The following ALG6 variants were observed in gnomAD, a reference collection of about 807,000 sequenced individuals.
ALG6 encodes the protein dolichyl pyrophosphate Man9GlcNAc2 alpha-1,3-glucosyltransferase.
A neutral mutation model predicts 66.6 loss-of-function variants in ALG6; 46 were observed. That is an observed-to-expected ratio of 0.69 (90% CI 0.55 to 0.88). The LOEUF (loss-of-function observed/expected upper bound fraction) is 0.88, where lower values mean the gene tolerates loss of function less well. Ranked by LOEUF, ALG6 falls within the 40% of genes least tolerant of loss-of-function variation. ALG6 has a pLI of 0.00. For missense variants in ALG6, 505 were observed against 586.8 expected, an observed-to-expected ratio of 0.86 and a Z score of 1.44; for synonymous variants, 185 against 203.7, an observed-to-expected ratio of 0.91 and a Z score of 0.78.
In ALG6 at chr1:63,407,112, C is replaced by T. The variant is rs1368642972; in HGVS notation, c.480C>T (p.Asp160=). The change falls in exon 7 of 15, where the codon GAC becomes GAT. Residue 160 remains aspartate, a synonymous_variant. Coordinates refer to ENST00000263440, the MANE Select transcript of ALG6 (RefSeq NM_013339.4). ...ILLYPGLILI[D]YGHFQYNSVS... Reference sequence around the variant, plus strand: ...TGTATCCAGGCCTTATTCTTATAGACTATGGACATTTTCAGTATCCTTTAC... The same window carrying T: ...TGTATCCAGGCCTTATTCTTATAGATTATGGACATTTTCAGTATCCTTTAC... 58 of 1,606,930 alleles carry T rather than the reference C, an allele frequency of 3.6e-5. 1 individual carries two copies. Among genetic ancestry groups the T allele is most frequent in the Non-Finnish European group, 4.9e-5 (58 of 1,174,200 alleles).
chr1:63,398,711 G>C (rs990720003), intron 3 of ALG6, among the ~76,000 whole-genome samples: 1 of 151,976 alleles, frequency 6.6e-6, no homozygotes. Flanking sequence ...TCCTGACCTC[G>C]TGATCCGCCC....
intron 11 of ALG6, among the ~76,000 whole-genome samples, chr1:63,418,902 G>C (rs1644558512): frequency 6.6e-6 from 1 of 152,160 alleles, no homozygotes; most frequent in South Asian, 2.1e-4. Context: ...TCTCAAAATA[G>C]ATAATTTTTT....
At chr1:63,371,250 G>A (rs950952999) in intron 2 of ALG6, 191 bp downstream of exon 2, 25 of 575,436 alleles carry the variant, frequency 4.3e-5, no homozygotes, top group Middle Eastern at 4.6e-4. Flanking sequence ...AGAAGCATGC[G>A]CTTTGTGATG....
intron 2 of ALG6, among the ~76,000 whole-genome samples, chr1:63,382,714 C>T (rs1328658466): frequency 1.4e-4 from 19 of 131,112 alleles, no homozygotes; most frequent in African/African-American, 2.0e-4. Context: ...CTGGCTCTGT[C>T]GCCCAGGCTG....
Position 63,396,580 on chromosome 1 carries a change from T to C in ALG6, c.150T>C (p.Asn50=), listed in dbSNP as rs752563803. Residue 50 remains asparagine, a synonymous_variant, in exon 3 of 15, where the codon AAT becomes AAC. Transcript: ENST00000263440. The part of the protein sequence containing the change: ...AQRHWQEITF[N]LPVKQWYFNS... Reference sequence around the variant, plus strand: ...GACACTGGCAAGAAATAACTTTTAATTTACCGGTCAAACAATGGTATGATA... The same window carrying C: ...GACACTGGCAAGAAATAACTTTTAACTTACCGGTCAAACAATGGTATGATA... 3.1e-6 allele frequency: 5 copies of C among 1,613,842 alleles called. No homozygotes were observed. Among genetic ancestry groups the C allele is most frequent in the Non-Finnish European group, 4.2e-6 (5 of 1,179,752 alleles).
chr1:63,411,202 A>C lies in ALG6; in HGVS notation c.551A>C (p.Asp184Ala). ...TGGGGTGTTCTTGGAATATCTTGTG[A>C]CTGCGACCTCCTAGGGTCACTGGCA... is the stretch of plus-strand genomic sequence containing the variant. The part of the protein sequence containing the change: ...ALWGVLGISC[D>A]CDLLGSLAFC... The change falls in exon 8 of 15, where the codon GAC becomes GCC. Residue 184 changes from aspartate to alanine, a missense_variant. Asp to Ala is a moderately radical substitution (Grantham distance 126). Transcript: ENST00000263440. 6.2e-7 allele frequency: 1 copy of C among 1,613,840 alleles called. No individual in the cohort carries two copies.
At chr1:63,422,251 A>G (rs1341845857) in intron 12 of ALG6, among the ~76,000 whole-genome samples, 1 of 97,138 alleles carries the variant, frequency 1.0e-5, no homozygotes, top group Admixed American at 1.3e-4. Context: ...ATAAATATAT[A>G]TATTTATATA....
At chr1:63,428,052 T>G (rs1332558464) in intron 12 of ALG6, among the ~76,000 whole-genome samples, 1 of 152,032 alleles carries the variant, frequency 6.6e-6, no homozygotes, top group African/African-American at 2.4e-5. Context: ...TCAAGTGATC[T>G]ACCAGCCTTG....
chr1:63,415,843 A>G (rs9436226), intron 10 of ALG6, 30 bp from the exon 11 acceptor site: 1 of 1,451,568 alleles, frequency 6.9e-7, no homozygotes, highest in Non-Finnish European at 9.6e-7. Flanking sequence ...TACAAAGAAG[A>G]CAAATATTTG....
chr1:63,378,950 G>T (rs1648218947), intron 2 of ALG6, among the ~76,000 whole-genome samples: 2 of 147,644 alleles, frequency 1.4e-5, no homozygotes, highest in Non-Finnish European at 3.0e-5. Flanking sequence ...TTCCTTTTTA[G>T]ATCTTGATCA....
intron 12 of ALG6, among the ~76,000 whole-genome samples, chr1:63,424,264 C>T (rs1188515999): frequency 2.6e-5 from 4 of 152,152 alleles, no homozygotes; most frequent in African/African-American, 4.8e-5. Flanking sequence ...CCTCAGCCTC[C>T]CGAGTAGCTG....
At chr1:63,415,998 A>G (rs918656852) in intron 11 of ALG6, 41 bp downstream of exon 11, 3 of 1,367,618 alleles carry the variant, frequency 2.2e-6, no homozygotes, top group African/African-American at 1.4e-5. Context: ...TCTTGCCACA[A>G]CTGATCTTTT....
intron 12 of ALG6, among the ~76,000 whole-genome samples, chr1:63,424,085 A>G (rs1644602411): frequency 6.6e-6 from 1 of 152,104 alleles, no homozygotes. Flanking sequence ...ACATCTCTTT[A>G]TGTGCTTGTT....
chr1:63,384,364 G>T (rs1648434940), intron 2 of ALG6, among the ~76,000 whole-genome samples: 1 of 151,978 alleles, frequency 6.6e-6, no homozygotes, highest in South Asian at 2.1e-4. Flanking sequence ...CTATTGAGTT[G>T]CTTGAATTCC....
chr1:63,382,377 A>G (rs1378389511), intron 2 of ALG6, among the ~76,000 whole-genome samples: 1 of 150,736 alleles, frequency 6.6e-6, no homozygotes, highest in Non-Finnish European at 1.5e-5. Flanking sequence ...AATTTTTTGT[A>G]TTTTTAGTAT....
chr1:63,380,845 T>G (rs1648276892), intron 2 of ALG6, among the ~76,000 whole-genome samples: 1 of 152,232 alleles, frequency 6.6e-6, no homozygotes, highest in Non-Finnish European at 1.5e-5. Flanking sequence ...TCCAGCTACT[T>G]ATTTTAAACC....
At chr1:63,396,749 C>A in intron 3 of ALG6, 152 bp downstream of exon 3, 1 of 726,478 alleles carries the variant, frequency 1.4e-6, no homozygotes, top group Non-Finnish European at 2.3e-6. Flanking sequence ...ATTTTGTAGG[C>A]CTGTCTTTGA....
At position 63,412,059 on chromosome 1, in the gene ALG6, G is replaced by A; in HGVS notation, c.814G>A (p.Glu272Lys). 1 of 1,614,082 alleles carries A rather than the reference G, an allele frequency of 6.2e-7. No homozygotes were observed. The highest frequency in any genetic ancestry group is 8.5e-7 in the Non-Finnish European group (1 of 1,179,974). Residue 272 changes from glutamate (E) to lysine (K), a missense_variant and splice_region_variant, in exon 9 of 15, where the codon GAG becomes AAG. Coordinates refer to ENST00000263440, the MANE Select transcript of ALG6 (RefSeq NM_013339.4). ...CTTCCCGGTTGATCGTGGATTATTT[G>A]AGGCATGTTTAAACACTTTCCTCTC... Reference protein sequence around the residue: ...RLFPVDRGLFEDKVANIWCSF... With the variant: ...RLFPVDRGLFKDKVANIWCSF...
intron 2 of ALG6, among the ~76,000 whole-genome samples, chr1:63,388,825 A>G (rs566115425): frequency 1.8e-4 from 27 of 152,046 alleles, no homozygotes; most frequent in South Asian, 4.2e-4. Flanking sequence ...TTTGACAGGT[A>G]TTTTTGCTGG....
Sources: allele counts gnomAD v4.1 joint callset (sites outside exome capture counted in the v4.1 genomes callset), GRCh38; gene constraint gnomAD v4.1.1; transcripts MANE v1.5; gene names NCBI Gene and HGNC (gene_info 2026-07-23, HGNC 2026-07-21).